The following SDC1 variants were observed in gnomAD, a reference collection of about 807,000 sequenced individuals.
SDC1 encodes the protein syndecan-1.
In SDC1, 14 loss-of-function variants were observed where a neutral mutation model predicts 29.7. The observed-to-expected ratio is 0.47, with a 90% CI of 0.31 to 0.74. The LOEUF (loss-of-function observed/expected upper bound fraction) is 0.74, where lower values mean the gene tolerates loss of function less well. SDC1 is among the 30% of genes least tolerant of loss of function. The probability of loss-of-function intolerance (pLI) is 0.05; values close to 1 mark genes in which losing one functional copy is unlikely to be tolerated. For synonymous variants in SDC1, 204 were observed against 175.5 expected, an observed-to-expected ratio of 1.16 and a Z score of -1.29; for missense variants, 406 against 400.3, an observed-to-expected ratio of 1.01 and a Z score of -0.12.
intron 1 of SDC1, among the ~76,000 whole-genome samples, chr2:20,208,870 C>T (rs1558433947): frequency 1.3e-5 from 2 of 152,234 alleles, no homozygotes; most frequent in Non-Finnish European, 2.9e-5. Context: ...AACGAATCAA[C>T]AACTTTGTGC....
chr2:20,207,313 T>A (rs886083491), intron 1 of SDC1: 1 of 587,396 alleles, frequency 1.7e-6, no homozygotes, highest in Non-Finnish European at 2.1e-6. Flanking sequence ...AAGAGAAAGG[T>A]TTTGACCCTA....
At chr2:20,217,453 G>A (rs952859244) in intron 1 of SDC1, among the ~76,000 whole-genome samples, 2 of 152,142 alleles carry the variant, frequency 1.3e-5, no homozygotes, top group Non-Finnish European at 2.9e-5. Context: ...ATACCCACCA[G>A]TCACACGACA....
At position 20,205,327 on chromosome 2, in the gene SDC1, C is replaced by T. The variant is rs1677225775; in HGVS notation, c.148+16G>A. On this transcript the variant is annotated intron_variant, in intron 2 of 4. Transcript: ENST00000254351. ...GTTGCCGTCTTGGGTGGGGGGGGCC[C>T]CCATGACAACCTCACCTGCACCTGA... The T allele has an allele frequency of 6.2e-7, 1 of 1,611,266 alleles. No individual in the cohort carries two copies. Among genetic ancestry groups the T allele is most frequent in the Admixed American group, 1.7e-5 (1 of 59,978 alleles).
At chr2:20,221,531 G>T (rs758862045) in intron 1 of SDC1, among the ~76,000 whole-genome samples, 1 of 152,052 alleles carries the variant, frequency 6.6e-6, no homozygotes, top group African/African-American at 2.4e-5. Flanking sequence ...AGCATTTTTT[G>T]GTTGATAAAG....
At chr2:20,223,387 G>C in intron 1 of SDC1, 1 of 945,078 alleles carries the variant, frequency 1.1e-6, no homozygotes, top group Non-Finnish European at 1.5e-6. Context: ...CACATTAGCA[G>C]TGGAGAACCC....
intron 1 of SDC1, among the ~76,000 whole-genome samples, chr2:20,220,352 C>T (rs563864846): frequency 1.3e-4 from 20 of 152,198 alleles, no homozygotes; most frequent in African/African-American, 4.8e-4. Flanking sequence ...ACACCATACC[C>T]ATACACATGC....
intron 1 of SDC1, among the ~76,000 whole-genome samples, chr2:20,212,151 C>T (rs566830729): frequency 2.6e-4 from 40 of 152,352 alleles, no homozygotes; most frequent in African/African-American, 9.6e-4. Context: ...GGTTCTGTCC[C>T]CCAAGACTCT....
chr2:20,224,707 G>C lies in SDC1; in HGVS notation c.66+95C>G. 1 of 1,202,618 alleles carries C rather than the reference G, an allele frequency of 8.3e-7. No homozygotes were observed. Among genetic ancestry groups the C allele is most frequent in the Non-Finnish European group, 1.0e-6 (1 of 963,984 alleles). 74.5% of individuals were successfully genotyped at this position (1,202,618 alleles called of 1,614,324 possible). On this transcript the variant is annotated intron_variant, in intron 1 of 4. Coordinates refer to ENST00000254351, the MANE Select transcript of SDC1 (RefSeq NM_002997.5). The surrounding 1 kb of genome is among the most constrained non-coding windows in gnomAD (Gnocchi z 4.9). ...TAGCGCGGGAAGAAGGGAAGTCTTCGCTCCCCCTCCCCCTCCACGTGCACC... is the reference window on the plus strand; with the variant it reads ...TAGCGCGGGAAGAAGGGAAGTCTTCCCTCCCCCTCCCCCTCCACGTGCACC...
At chr2:20,216,840 G>A (rs1677640298) in intron 1 of SDC1, among the ~76,000 whole-genome samples, 1 of 152,190 alleles carries the variant, frequency 6.6e-6, no homozygotes, top group East Asian at 1.9e-4. Context: ...AATCCTCACC[G>A]TACGCATCCC....
At chr2:20,203,333 C>A in intron 3 of SDC1, 111 bp from the exon 4 acceptor site, 1 of 1,281,714 alleles carries the variant, frequency 7.8e-7, no homozygotes, top group Non-Finnish European at 1.1e-6. Context: ...TTGCCACCAC[C>A]CACTCAGATG....
chr2:20,224,269 G>C lies in SDC1; in HGVS notation c.66+533C>G, dbSNP rs1344710087. The stretch of plus-strand genomic sequence containing the variant: ...CCACGCAGCCCTGGCCCGGCTCCCC[G>C]GGCCAACGCGGCCGCCTCCCGCTCC... On this transcript the variant is annotated intron_variant, in intron 1 of 4. Transcript: ENST00000254351. The surrounding 1 kb of genome is among the most constrained non-coding windows in gnomAD (Gnocchi z 4.9). 1 of 185,624 alleles carries C rather than the reference G, an allele frequency of 5.4e-6. No homozygotes were observed. The highest frequency in any genetic ancestry group is 1.1e-5 in the Non-Finnish European group (1 of 91,292). 11.5% of individuals were successfully genotyped at this position (185,624 alleles called of 1,614,324 possible).
In SDC1 at chr2:20,205,400, G is replaced by C; in HGVS notation, c.91C>G (p.Pro31Ala). ...LPQIVATNLP[P>A]EDQDGSGDDS... ...TCCCCAGAGCCATCTTGATCTTCAG[G>C]GGGCAAATTAGTAGCCACAATTTGC... Residue 31 changes from proline to alanine, a missense_variant, in exon 2 of 5, where the codon CCT becomes GCT. Physicochemically the swap from Pro to Ala is conservative, Grantham distance 27. Coordinates refer to ENST00000254351, the MANE Select transcript of SDC1 (RefSeq NM_002997.5). 1.9e-6 allele frequency: 3 copies of C among 1,614,012 alleles called. No homozygotes were observed. Among genetic ancestry groups the C allele is most frequent in the Non-Finnish European group, 2.5e-6 (3 of 1,179,946 alleles).
In SDC1 at chr2:20,224,165, C is replaced by G; in HGVS notation, c.66+637G>C. ...TTCCGAGGCCAACTTCCCGGAACCTCCCGCTGCCGGGCCGGCTCAGCTCAC... is the reference window on the plus strand; with the variant it reads ...TTCCGAGGCCAACTTCCCGGAACCTGCCGCTGCCGGGCCGGCTCAGCTCAC... On this transcript the variant is annotated intron_variant, in intron 1 of 4. Transcript: ENST00000254351. The surrounding 1 kb of genome is among the most constrained non-coding windows in gnomAD (Gnocchi z 4.9). The G allele has an allele frequency of 2.3e-6, 1 of 427,680 alleles. No homozygotes were observed. Among genetic ancestry groups the G allele is most frequent in the South Asian group, 1.6e-5 (1 of 62,754 alleles). The allele number at this position is 427,680 out of a possible 1,614,324, so 26.5% of individuals were successfully genotyped here.
intron 2 of SDC1, 134 bp downstream of exon 2, chr2:20,205,209 G>A (rs1677218804): frequency 4.1e-6 from 3 of 735,022 alleles, no homozygotes; most frequent in Admixed American, 3.8e-5. Flanking sequence ...GCCCTTTGGA[G>A]CCAGCTGGGT....
intron 1 of SDC1, chr2:20,223,106 C>G (rs114830279): frequency 4.4e-6 from 2 of 455,848 alleles, no homozygotes; most frequent in Non-Finnish European, 7.6e-6. Context: ...ATGGCCCTCC[C>G]CGTGCTCCCA....
rs571172028 is a variant in SDC1, at chr2:20,219,173, G to A, written c.66+5629C>T. On this transcript the variant is annotated intron_variant, in intron 1 of 4. Coordinates refer to ENST00000254351, the MANE Select transcript of SDC1 (RefSeq NM_002997.5). ...CACACCCCCCTTGCCCCATAAGCTT[G>A]CCCCCACCCTTACAGGCCCTGCCAA... 2.0e-5 allele frequency among the ~76,000 whole-genome samples: 3 copies of A among 151,872 alleles called. No individual in the cohort carries two copies. In the South Asian group the frequency reaches 6.2e-4, roughly 32 times the overall value.
In SDC1 at chr2:20,212,096, G is replaced by GC. The variant is rs1346781417; in HGVS notation, c.67-6673dup. Among the ~76,000 whole-genome samples the GC allele has an allele frequency of 6.1e-4, 78 of 128,290 alleles. 1 individual carries two copies. In the East Asian group the frequency reaches 8.0e-3, roughly 13 times the overall value. 84.2% of individuals were successfully genotyped at this position (128,290 alleles called of 152,430 possible). A position where few individuals can be genotyped will look rare whatever the true frequency, so the allele number is the denominator to read the frequency against. On this transcript the variant is annotated intron_variant, in intron 1 of 4. Coordinates refer to ENST00000254351, the MANE Select transcript of SDC1 (RefSeq NM_002997.5). ...AAAGTGCTTTACGGCTGACAGGCTG[G>GC]CCCCGCGGCTTTAGCACCTGGTGCT...
At chr2:20,215,583 C>T (rs1267057219) in intron 1 of SDC1, among the ~76,000 whole-genome samples, 1 of 152,262 alleles carries the variant, frequency 6.6e-6, no homozygotes, top group Non-Finnish European at 1.5e-5. Flanking sequence ...AGCCTCAGTG[C>T]TCCCCTAGAC....
chr2:20,209,083 C>T lies in SDC1; in HGVS notation c.67-3659G>A, dbSNP rs7587935. On this transcript the variant is annotated intron_variant, in intron 1 of 4. Transcript: ENST00000254351. ...AGTAAGGGTCAGGTCAGCCCATCTC[C>T]ATCTCAGCCATGCTGGTCTCCTGGC... 4.8e-3 allele frequency among the ~76,000 whole-genome samples: 724 copies of T among 152,276 alleles called. 6 individuals are homozygous for T. The highest frequency in any genetic ancestry group is 0.016 in the African/African-American group (650 of 41,556).
Sources: allele counts gnomAD v4.1 joint callset (sites outside exome capture counted in the v4.1 genomes callset), GRCh38; gene constraint gnomAD v4.1.1; non-coding constraint Gnocchi (gnomAD v3.1); transcripts MANE v1.5; gene names NCBI Gene and HGNC (gene_info 2026-07-23, HGNC 2026-07-21).